The following ZNF697 variants were observed in gnomAD, a reference collection of about 807,000 sequenced individuals.
The protein encoded by ZNF697 is zinc finger protein 697.
In ZNF697, 23 loss-of-function variants were observed where a neutral mutation model predicts 32.4. That is an observed-to-expected ratio of 0.71 (90% CI 0.51 to 1.01). ZNF697 has a LOEUF of 1.01. Ranked by LOEUF, ZNF697 falls within the 50% of genes least tolerant of loss-of-function variation. The pLI, the probability that ZNF697 is intolerant of heterozygous loss-of-function variation, is 0.00. For synonymous variants in ZNF697, 418 were observed against 337.2 expected (o/e 1.24, Z -2.62); for missense variants, 930 against 794.0 (o/e 1.17, Z -2.06).
rs1381310067 is a variant in ZNF697, at chr1:119,623,180, T to C, written c.1163A>G (p.Lys388Arg). 2.2e-5 allele frequency: 35 copies of C among 1,563,752 alleles called. No individual in the cohort carries two copies. Among genetic ancestry groups the C allele is most frequent in the Non-Finnish European group, 3.0e-5 (34 of 1,149,628 alleles). ...EKPHGCGECG[K>R]RFSWRSDLVK... ...CAAGTCCGAGCGCCAGCTGAAGCGC[T>C]TGCCGCACTCGCCACAGCCGTGCGG... The change falls in exon 3 of 3, where the codon AAG becomes AGG. Residue 388 changes from lysine to arginine, a missense_variant. Transcript: ENST00000421812.
In ZNF697 at chr1:119,622,433, C is replaced by A. The variant is rs1346767285; in HGVS notation, c.*272G>T. The A allele has an allele frequency of 1.3e-5, 6 of 453,618 alleles. No homozygotes were observed. The Admixed American group carries it at 2.7e-4, about 20-fold the overall frequency. 28.1% of individuals were successfully genotyped at this position (453,618 alleles called of 1,614,324 possible). On this transcript the variant is annotated 3_prime_UTR_variant, in exon 3 of 3. Transcript: ENST00000421812. Reference sequence around the variant, plus strand: ...TCCTCAAAGTGCCTGGTCCTCCAAGCTCTTCACCCCCTACAGCGTGTATTT... The same window carrying A: ...TCCTCAAAGTGCCTGGTCCTCCAAGATCTTCACCCCCTACAGCGTGTATTT...
chr1:119,622,515 A>T lies in ZNF697; in HGVS notation c.*190T>A. On this transcript the variant is annotated 3_prime_UTR_variant, in exon 3 of 3. Transcript: ENST00000421812. ...AACAATTCTTCCGTGGAGAGGAGGC[A>T]AGTATAGCACCGGGAAAGACCAACT... The T allele has an allele frequency of 9.3e-7, 1 of 1,080,628 alleles. No individual in the cohort carries two copies. The highest frequency in any genetic ancestry group is 1.3e-6 in the Non-Finnish European group (1 of 793,452). The allele number at this position is 1,080,628 out of a possible 1,614,324, so 66.9% of individuals were successfully genotyped here.
chr1:119,623,402 T>C lies in ZNF697; in HGVS notation c.941A>G (p.Glu314Gly). Reference protein sequence around the residue: ...LLKHRRLHTGEKPYPCPECGE... With the variant: ...LLKHRRLHTGGKPYPCPECGE... Reference sequence around the variant, plus strand: ...GCACTCGGGGCACGGGTAGGGCTTCTCGCCCGTGTGCAGGCGCCGGTGCTT... The same window carrying C: ...GCACTCGGGGCACGGGTAGGGCTTCCCGCCCGTGTGCAGGCGCCGGTGCTT... Residue 314 changes from glutamate (E) to glycine (G), a missense_variant, in exon 3 of 3, where the codon GAG (glutamate) becomes GGG (glycine). By Grantham distance (98) the Glu-to-Gly change is moderately conservative. Coordinates refer to ENST00000421812, the MANE Select transcript of ZNF697 (RefSeq NM_001080470.2). 6.6e-7 allele frequency: 1 copy of C among 1,518,330 alleles called. No homozygotes were observed. The highest frequency in any genetic ancestry group is 8.8e-7 in the Non-Finnish European group (1 of 1,134,570). 94.1% of individuals were successfully genotyped at this position (1,518,330 alleles called of 1,614,324 possible). A position where few individuals can be genotyped will look rare whatever the true frequency, so the allele number is the denominator to read the frequency against.
Position 119,623,307 on chromosome 1 carries a change from C to T in ZNF697, c.1036G>A (p.Gly346Arg). Residue 346 changes from glycine to arginine, a missense_variant, in exon 3 of 3, where the codon GGG becomes AGG. Gly to Arg is a moderately radical substitution (Grantham distance 125). Coordinates refer to ENST00000421812, the MANE Select transcript of ZNF697 (RefSeq NM_001080470.2). ...GCGAAGGGCCGCAGCGCCGCCGCCC[C>T]CGCGCCGCTGGCCGCCGCGTGCGCG... ...RRAHAAASGA[G>R]AAALRPFACG... is the part of the protein sequence containing the mutation. 7.5e-7 allele frequency: 1 copy of T among 1,326,462 alleles called. No homozygotes were observed. Among genetic ancestry groups the T allele is most frequent in the Non-Finnish European group, 9.6e-7 (1 of 1,041,834 alleles). 82.2% of individuals were successfully genotyped at this position (1,326,462 alleles called of 1,614,324 possible).
chr1:119,626,635 A>G (rs922966401), intron 1 of ZNF697, among the ~76,000 whole-genome samples: 1 of 152,226 alleles, frequency 6.6e-6, no homozygotes, highest in African/African-American at 2.4e-5. Context: ...GTTATCGTGC[A>G]AGTATTTTGG....
At chr1:119,627,756 G>A (rs7531516) in intron 1 of ZNF697, among the ~76,000 whole-genome samples, 97,232 of 151,960 alleles carry the variant, frequency 0.64, 31,480 homozygotes, top group East Asian at 0.92. Context: ...CCTGAAATGC[G>A]GTTGAATTCC....
At chr1:119,626,487 G>A (rs1481018137) in intron 1 of ZNF697, among the ~76,000 whole-genome samples, 1 of 152,172 alleles carries the variant, frequency 6.6e-6, no homozygotes, top group Non-Finnish European at 1.5e-5. Context: ...AAAAGAAGAG[G>A]CCACTAGCCC....
In ZNF697 at chr1:119,622,627, C is replaced by T. The variant is rs1166004049; in HGVS notation, c.*78G>A. On this transcript the variant is annotated 3_prime_UTR_variant, in exon 3 of 3. Coordinates refer to ENST00000421812, the MANE Select transcript of ZNF697 (RefSeq NM_001080470.2). ...GATTGTCCCTCCCGCCCCTTCCCCA[C>T]TTCCTTCCCCTGGGTCAGTCCCAGG... 7.0e-7 allele frequency: 1 copy of T among 1,435,978 alleles called. No homozygotes were observed. The highest frequency in any genetic ancestry group is 2.5e-5 in the East Asian group (1 of 39,882). The allele number at this position is 1,435,978 out of a possible 1,614,324, so 89.0% of individuals were successfully genotyped here.
chr1:119,643,565 A>T (rs1649134343), intron 1 of ZNF697, among the ~76,000 whole-genome samples: 1 of 152,194 alleles, frequency 6.6e-6, no homozygotes, highest in Non-Finnish European at 1.5e-5. Context: ...AATGAATGCC[A>T]AATCTATACC....
intron 1 of ZNF697, among the ~76,000 whole-genome samples, chr1:119,626,928 T>TA (rs1291793700): frequency 6.6e-6 from 1 of 152,184 alleles, no homozygotes; most frequent in East Asian, 1.9e-4. Context: ...AACAGGAACA[T>TA]ACACCAGAGA....
At position 119,622,215 on chromosome 1, in the gene ZNF697, T is replaced by G. The variant is rs1648347428; in HGVS notation, c.*490A>C. 6.5e-6 allele frequency: 1 copy of G among 154,406 alleles called. No homozygotes were observed. The highest frequency in any genetic ancestry group is 2.4e-5 in the African/African-American group (1 of 41,440). 9.6% of individuals were successfully genotyped at this position (154,406 alleles called of 1,614,324 possible). ...TGACTGACAAGGTTCCCCTACTTTT[T>G]GTGAGACAACAGGTGATGTGTGGAG... On this transcript the variant is annotated 3_prime_UTR_variant, in exon 3 of 3. Coordinates refer to ENST00000421812, the MANE Select transcript of ZNF697 (RefSeq NM_001080470.2).
At chr1:119,631,217 A>G (rs1427367628) in intron 1 of ZNF697, among the ~76,000 whole-genome samples, 4 of 152,150 alleles carry the variant, frequency 2.6e-5, no homozygotes, top group African/African-American at 9.7e-5. Context: ...TTCTGCGCGG[A>G]CCCCAAGCTG....
chr1:119,631,883 G>T (rs1480424541), intron 1 of ZNF697, among the ~76,000 whole-genome samples: 1 of 152,078 alleles, frequency 6.6e-6, no homozygotes, highest in African/African-American at 2.4e-5. Flanking sequence ...CTCTTCCCAC[G>T]CCCCCCTGCC....
At chr1:119,628,312 C>T (rs1358934076) in intron 1 of ZNF697, among the ~76,000 whole-genome samples, 1 of 152,182 alleles carries the variant, frequency 6.6e-6, no homozygotes, top group Non-Finnish European at 1.5e-5. Flanking sequence ...CTTTTATGGA[C>T]AGGCTTCTTA....
At position 119,623,575 on chromosome 1, in the gene ZNF697, CGGGG is replaced by C; in HGVS notation, c.764_767del (p.Pro255ArgfsTer21). 2 of 1,475,574 alleles carry C rather than the reference CGGGG, an allele frequency of 1.4e-6. No homozygotes were observed. Among genetic ancestry groups the C allele is most frequent in the South Asian group, 1.3e-5 (1 of 75,960 alleles). 91.4% of individuals were successfully genotyped at this position (1,475,574 alleles called of 1,614,324 possible). On this transcript the variant is annotated frameshift_variant, in exon 3 of 3. Coordinates refer to ENST00000421812, the MANE Select transcript of ZNF697 (RefSeq NM_001080470.2). LOFTEE classifies it high-confidence loss of function. ...CCCCGCAGCGGAAGGGCTTTTCGCGCGGGGGCCGGGCCAGCGGGGGCCCGGCCCC... is the reference window on the plus strand; with the variant it reads ...CCCCGCAGCGGAAGGGCTTTTCGCGCGCCGGGCCAGCGGGGGCCCGGCCCC...
At chr1:119,624,804 G>A (rs1648525920) in intron 2 of ZNF697, among the ~76,000 whole-genome samples, 1 of 152,154 alleles carries the variant, frequency 6.6e-6, no homozygotes, top group South Asian at 2.1e-4. Flanking sequence ...TGTTGGTCGG[G>A]CTGGTCTCGA....
Position 119,619,895 on chromosome 1 carries a change from C to T in ZNF697, c.*2810G>A, listed in dbSNP as rs587729943. ...CAAATTCTCCAGGAAACAAATAATA[C>T]ACTTGCTTCCACCATCATTAATGAG... is the stretch of plus-strand genomic sequence containing the variant. On this transcript the variant is annotated 3_prime_UTR_variant, in exon 3 of 3. Transcript: ENST00000421812. 1.3e-5 allele frequency: 2 copies of T among 152,768 alleles called. No homozygotes were observed. The highest frequency in any genetic ancestry group is 2.9e-5 in the Non-Finnish European group (2 of 68,030). The allele number at this position is 152,768 out of a possible 1,614,324, so 9.5% of individuals were successfully genotyped here. A position where few individuals can be genotyped will look rare whatever the true frequency, so the allele number is the denominator to read the frequency against.
rs1365257552 is a variant in ZNF697 at position 119,632,731 on chromosome 1, T to C, written c.-37-6594A>G. On this transcript the variant is annotated intron_variant, in intron 1 of 2. Transcript: ENST00000421812. The stretch of plus-strand genomic sequence containing the variant: ...TATTCCTCCTGCACGAAATAAGAAT[T>C]AGTGCAACGCAGACACAGATCCTAA... Among the ~76,000 whole-genome samples the C allele has an allele frequency of 2.0e-5, 3 of 152,136 alleles. No homozygotes were observed. The East Asian group carries it at 5.8e-4, about 29-fold the overall frequency.
chr1:119,629,173 T>TTTTC (rs1380444557), intron 1 of ZNF697, among the ~76,000 whole-genome samples: 1 of 152,238 alleles, frequency 6.6e-6, no homozygotes. Flanking sequence ...TACATCTGTA[T>TTTTC]TTTCTACATA....
Sources: allele counts gnomAD v4.1 joint callset (sites outside exome capture counted in the v4.1 genomes callset), GRCh38; gene constraint gnomAD v4.1.1; transcripts MANE v1.5; gene names NCBI Gene and HGNC (gene_info 2026-07-23, HGNC 2026-07-21).